Variants in SYT9 observed in about 807,000 individuals in gnomAD.
SYT9 encodes the protein synaptotagmin-9.
A neutral mutation model predicts 48.4 loss-of-function variants in SYT9; 22 were observed. The ratio of observed to expected loss-of-function variants is 0.45; its 90% confidence interval spans 0.32 to 0.65. The LOEUF is 0.65. SYT9 is among the 30% of genes least tolerant of loss of function. The probability of loss-of-function intolerance (pLI) is 0.03; values close to 1 mark genes in which losing one functional copy is unlikely to be tolerated. For missense variants in SYT9, 577 were observed against 622.0 expected, an observed-to-expected ratio of 0.93 and a Z score of 0.77; for synonymous variants, 265 against 245.0, an observed-to-expected ratio of 1.08 and a Z score of -0.76.
At chr11:7,242,154 A>T (rs1847746896) in intron 1 of SYT9, among the ~76,000 whole-genome samples, 2 of 152,268 alleles carry the variant, frequency 1.3e-5, no homozygotes, top group Non-Finnish European at 2.9e-5. Flanking sequence ...TGGAAAGACC[A>T]CATGGGGCTC....
intron 4 of SYT9, among the ~76,000 whole-genome samples, chr11:7,417,165 TTTG>T (rs938686385): frequency 2.0e-4 from 28 of 139,990 alleles, no homozygotes; most frequent in South Asian, 1.1e-3. Context: ...TCCCAGTGTT[TTTG>T]TTTTTTTAAG....
At position 7,466,925 on chromosome 11, in the gene SYT9, C is replaced by A; in HGVS notation, c.*125C>A. On this transcript the variant is annotated 3_prime_UTR_variant, in exon 7 of 7. Coordinates refer to ENST00000318881, the MANE Select transcript of SYT9 (RefSeq NM_175733.4). ...CAGTGACCAAATGCTCAGCTGTAAC[C>A]ACAGCACTAACTGGCCTTCTTTCCA... 2.5e-6 allele frequency: 3 copies of A among 1,205,998 alleles called. No individual in the cohort carries two copies. Among genetic ancestry groups the A allele is most frequent in the Middle Eastern group, 2.0e-4 (1 of 5,082 alleles). 74.7% of individuals were successfully genotyped at this position (1,205,998 alleles called of 1,614,324 possible). A position where few individuals can be genotyped will look rare whatever the true frequency, so the allele number is the denominator to read the frequency against.
intron 5 of SYT9, among the ~76,000 whole-genome samples, chr11:7,420,210 C>T (rs563050014): frequency 1.3e-5 from 2 of 152,090 alleles, no homozygotes; most frequent in African/African-American, 4.8e-5. Context: ...TACATGGAGG[C>T]CAGCCTAGAT....
intron 3 of SYT9, among the ~76,000 whole-genome samples, chr11:7,398,184 T>C (rs1049276141): frequency 3.3e-5 from 5 of 152,180 alleles, no homozygotes; most frequent in Non-Finnish European, 5.9e-5. Context: ...ATATTGACTT[T>C]TATCAAATGA....
At chr11:7,403,288 A>C (rs1308319883) in intron 3 of SYT9, among the ~76,000 whole-genome samples, 3 of 152,182 alleles carry the variant, frequency 2.0e-5, no homozygotes, top group Non-Finnish European at 4.4e-5. Flanking sequence ...GGCCAGGCAC[A>C]GTGGCTCATG....
At chr11:7,330,609 T>A (rs1324512900) in intron 3 of SYT9, among the ~76,000 whole-genome samples, 2 of 152,174 alleles carry the variant, frequency 1.3e-5, no homozygotes, top group Non-Finnish European at 2.9e-5. Context: ...ATAGAATAGA[T>A]AAGAATAATC....
intron 3 of SYT9, among the ~76,000 whole-genome samples, chr11:7,362,896 G>A (rs1183446995): frequency 9.1e-6 from 1 of 109,906 alleles, no homozygotes; most frequent in South Asian, 3.3e-4. Context: ...TTGCTTTCTA[G>A]TTAATATGTT....
intron 1 of SYT9, among the ~76,000 whole-genome samples, chr11:7,264,728 G>C (rs966014603): frequency 1.3e-5 from 2 of 151,958 alleles, no homozygotes; most frequent in Admixed American, 6.6e-5. Flanking sequence ...TGGGGAGAGG[G>C]GGACAAATGA....
At chr11:7,311,527 A>T (rs576836600) in intron 2 of SYT9, among the ~76,000 whole-genome samples, 153 of 152,336 alleles carry the variant, frequency 1.0e-3, no homozygotes, top group Non-Finnish European at 1.7e-3. Context: ...GATTGTGTAG[A>T]CACAGAATTG....
In SYT9 at chr11:7,438,248, G is replaced by A. The variant is rs564445084; in HGVS notation, c.1467+17613G>A. 7.2e-4 allele frequency: 109 copies of A among 152,324 alleles called. 1 individual carries two copies. Among genetic ancestry groups the A allele is most frequent in the African/African-American group, 2.4e-3 (101 of 41,546 alleles). The allele number at this position is 152,324 out of a possible 1,614,324, so 9.4% of individuals were successfully genotyped here. On this transcript the variant is annotated intron_variant, in intron 6 of 6. Coordinates refer to ENST00000318881, the MANE Select transcript of SYT9 (RefSeq NM_175733.4). ...AAATCCTTCCCAATAGGAAAGGAAA[G>A]GTTGAAGATACAAGAGAGGGAGGGG...
At chr11:7,449,549 C>T (rs1848005014) in intron 6 of SYT9, among the ~76,000 whole-genome samples, 1 of 151,756 alleles carries the variant, frequency 6.6e-6, no homozygotes, top group African/African-American at 2.4e-5. Context: ...GTGTGGAGCA[C>T]CAGAGGAAGG....
chr11:7,254,244 A>C (rs1054177618), intron 1 of SYT9, among the ~76,000 whole-genome samples: 1 of 152,186 alleles, frequency 6.6e-6, no homozygotes, highest in African/African-American at 2.4e-5. Flanking sequence ...ACTAGGACAC[A>C]AGGGTTTTGA....
At chr11:7,369,784 C>CACAA (rs1554914356) in intron 3 of SYT9, among the ~76,000 whole-genome samples, 1 of 91,846 alleles carries the variant, frequency 1.1e-5, no homozygotes, top group Non-Finnish European at 2.3e-5. Context: ...ACACCACACA[C>CACAA]ACACACACAA....
intron 6 of SYT9, 149 bp downstream of exon 6, chr11:7,420,784 A>C: frequency 2.1e-6 from 2 of 941,192 alleles, no homozygotes. Flanking sequence ...TGGGACTTGC[A>C]TTCAATTTGA....
chr11:7,332,711 C>T (rs955756999), intron 3 of SYT9, among the ~76,000 whole-genome samples: 6 of 152,178 alleles, frequency 3.9e-5, no homozygotes, highest in African/African-American at 1.2e-4. Context: ...GTTGGCTTTG[C>T]AGAGAGCTGA....
chr11:7,325,273 C>T (rs931019508), intron 3 of SYT9, among the ~76,000 whole-genome samples: 304 of 141,576 alleles, frequency 2.1e-3, no homozygotes, highest in Admixed American at 4.6e-3. Context: ...TTGTTTGTAT[C>T]CTCTTTTATT....
chr11:7,418,139 T>A lies in SYT9; in HGVS notation c.1337+11T>A, dbSNP rs1350450158. The A allele has an allele frequency of 6.2e-7, 1 of 1,611,368 alleles. No individual in the cohort carries two copies. The highest frequency in any genetic ancestry group is 8.5e-7 in the Non-Finnish European group (1 of 1,178,912). On this transcript the variant is annotated intron_variant, in intron 5 of 6. Transcript: ENST00000318881. Reference sequence around the variant, plus strand: ...CATGGACTATGACCGGTGAGATACCTGGAACTCTTTTCCAGTGCAAGTTCA... The same window carrying A: ...CATGGACTATGACCGGTGAGATACCAGGAACTCTTTTCCAGTGCAAGTTCA...
intron 3 of SYT9, among the ~76,000 whole-genome samples, chr11:7,329,182 T>C (rs1314981935): frequency 6.6e-6 from 1 of 152,218 alleles, no homozygotes; most frequent in Non-Finnish European, 1.5e-5. Flanking sequence ...TTAGATATTT[T>C]AGACCTATTC....
At chr11:7,305,119 T>C (rs1849008843) in intron 2 of SYT9, among the ~76,000 whole-genome samples, 1 of 152,164 alleles carries the variant, frequency 6.6e-6, no homozygotes, top group Non-Finnish European at 1.5e-5. Context: ...AAAATAACTG[T>C]TATCACTACT....
Sources: gnomAD v4.1 joint callset for allele counts (sites outside exome capture counted in the v4.1 genomes callset) on GRCh38, gnomAD v4.1.1 for gene constraint, MANE v1.5 for transcripts, NCBI Gene and HGNC (gene_info 2026-07-23, HGNC 2026-07-21) for gene names.